Variants in DCC observed in about 807,000 individuals in gnomAD.
DCC encodes the protein DCC netrin 1 receptor.
DCC carries 58 observed loss-of-function variants against 172.5 expected under a neutral mutation model. The observed-to-expected ratio is 0.34, with a 90% confidence interval of 0.27 to 0.42. The LOEUF is 0.42. Among genes scored for constraint, DCC ranks in the 10% least tolerant of loss-of-function variants. DCC has a pLI of 1.00. For missense variants in DCC, 1,740 were observed against 1,791.0 expected (o/e 0.97, Z 0.51); for synonymous variants, 709 against 644.5 (o/e 1.10, Z -1.52).
chr18:53,222,383 CTTTTTTTT>C (rs67373546), intron 12 of DCC, among the ~76,000 whole-genome samples: 12 of 104,188 alleles, frequency 1.2e-4, no homozygotes, highest in East Asian at 8.6e-4. Flanking sequence ...TTTCTTTTTT[CTTTTTTTT>C]TTTTTTTTTT....
chr18:52,993,602 G>A (rs1384962667), intron 5 of DCC, among the ~76,000 whole-genome samples: 1 of 152,100 alleles, frequency 6.6e-6, no homozygotes, highest in Non-Finnish European at 1.5e-5. Context: ...GTAGAGTTAT[G>A]ATCTTGCATG....
At chr18:52,776,515 A>G (rs1470999167) in intron 2 of DCC, among the ~76,000 whole-genome samples, 1 of 152,136 alleles carries the variant, frequency 6.6e-6, no homozygotes, top group Non-Finnish European at 1.5e-5. Context: ...TAGCAAGAAA[A>G]CCAGAAAAGA....
intron 1 of DCC, among the ~76,000 whole-genome samples, chr18:52,629,869 G>A (rs2034642107): frequency 7.0e-6 from 1 of 142,284 alleles, no homozygotes; most frequent in African/African-American, 2.6e-5. Flanking sequence ...AGAATGGCGT[G>A]AAACCGGGAG....
At chr18:52,528,662 G>A (rs1419778909) in intron 1 of DCC, among the ~76,000 whole-genome samples, 1 of 151,878 alleles carries the variant, frequency 6.6e-6, no homozygotes, top group Non-Finnish European at 1.5e-5. Context: ...CATCATCAGG[G>A]AGATAGCACA....
intron 7 of DCC, among the ~76,000 whole-genome samples, chr18:53,148,771 A>C (rs1041779094): frequency 2.0e-5 from 3 of 152,104 alleles, no homozygotes; most frequent in Non-Finnish European, 2.9e-5. Context: ...AGGATGTACA[A>C]GTGACGACGT....
chr18:53,202,300 G>A lies in DCC; in HGVS notation c.1574-2916G>A, dbSNP rs185731290. Among the ~76,000 whole-genome samples, 642 of 152,192 alleles carry A rather than the reference G, an allele frequency of 4.2e-3. 9 individuals carry two copies. Among genetic ancestry groups the A allele is most frequent in the Non-Finnish European group, 7.2e-3 (491 of 67,996 alleles). ...GCATGTCACAGGGACAGAGAAAAAC[G>A]ATTAAAAAGAGCTTCCCTAGTTGAA... On this transcript the variant is annotated intron_variant, in intron 9 of 28. Transcript: ENST00000442544.
chr18:53,179,464 T>A (rs895957011), intron 9 of DCC, among the ~76,000 whole-genome samples: 1 of 152,200 alleles, frequency 6.6e-6, no homozygotes, highest in Non-Finnish European at 1.5e-5. Context: ...TTTTTGAGTT[T>A]GTAAAGAGTG....
At chr18:53,488,282 T>C (rs2045924271) in intron 26 of DCC, among the ~76,000 whole-genome samples, 1 of 151,870 alleles carries the variant, frequency 6.6e-6, no homozygotes, top group Non-Finnish European at 1.5e-5. Context: ...GGCTGAGGCA[T>C]GAGAATCTTT....
intron 5 of DCC, among the ~76,000 whole-genome samples, chr18:52,965,601 G>T (rs2040916507): frequency 6.6e-6 from 1 of 151,986 alleles, no homozygotes; most frequent in African/African-American, 2.4e-5. Flanking sequence ...TTTCTGCATT[G>T]CTTGTTCTTC....
At chr18:52,900,872 G>A (rs954410584) in intron 2 of DCC, among the ~76,000 whole-genome samples, 1 of 152,282 alleles carries the variant, frequency 6.6e-6, no homozygotes, top group South Asian at 2.1e-4. Flanking sequence ...GGCTAACAAT[G>A]TAAGCCCTGC....
At chr18:52,973,511 A>G (rs2041064092) in intron 5 of DCC, among the ~76,000 whole-genome samples, 1 of 152,104 alleles carries the variant, frequency 6.6e-6, no homozygotes. Context: ...AAAATGTTAC[A>G]TCCTTGCATC....
chr18:52,800,344 T>C (rs966389971), intron 2 of DCC, among the ~76,000 whole-genome samples: 2 of 152,252 alleles, frequency 1.3e-5, no homozygotes, highest in African/African-American at 4.8e-5. Context: ...GTGAAGTTTT[T>C]ACAGACTGAT....
chr18:52,655,349 CGAGCCATA>C (rs1306352355), intron 1 of DCC, among the ~76,000 whole-genome samples: 1 of 152,124 alleles, frequency 6.6e-6, no homozygotes, highest in Non-Finnish European at 1.5e-5. Context: ...AATTAATAAT[CGAGCCATA>C]GAGTTTCTTA....
At chr18:52,406,549 A>G (rs1424321412) in intron 1 of DCC, among the ~76,000 whole-genome samples, 1 of 152,126 alleles carries the variant, frequency 6.6e-6, no homozygotes, top group Non-Finnish European at 1.5e-5. Flanking sequence ...GACTCTGGAT[A>G]ATGGGCTCCA....
At chr18:53,123,208 G>A (rs1266160570) in intron 7 of DCC, among the ~76,000 whole-genome samples, 1 of 152,144 alleles carries the variant, frequency 6.6e-6, no homozygotes, top group East Asian at 1.9e-4. Context: ...TGTAACAGAG[G>A]ATCTTATCCA....
intron 22 of DCC, among the ~76,000 whole-genome samples, chr18:53,443,952 A>G (rs748200772): frequency 8.5e-5 from 13 of 152,364 alleles, no homozygotes; most frequent in Non-Finnish European, 1.3e-4. Flanking sequence ...CTCATGATAA[A>G]ATTTTAACAG....
chr18:53,047,234 G>GGA (rs1568267718), intron 5 of DCC, among the ~76,000 whole-genome samples: 4 of 22,154 alleles, frequency 1.8e-4, no homozygotes, highest in African/African-American at 7.0e-4. Flanking sequence ...CCTGCAGGTA[G>GGA]GATATATATA....
At chr18:52,371,147 T>G (rs1985104629) in intron 1 of DCC, among the ~76,000 whole-genome samples, 1 of 112,414 alleles carries the variant, frequency 8.9e-6, no homozygotes, top group Non-Finnish European at 1.7e-5. Context: ...GACCATCTTT[T>G]GGCTGATTTA....
chr18:53,471,228 AAGC>A (rs1258871761), intron 25 of DCC, among the ~76,000 whole-genome samples: 5 of 152,206 alleles, frequency 3.3e-5, no homozygotes, highest in African/African-American at 1.2e-4. Context: ...GTTTTGATAC[AAGC>A]ATGCAATATG....
Sources: gnomAD v4.1 joint callset for allele counts (sites outside exome capture counted in the v4.1 genomes callset) on GRCh38, gnomAD v4.1.1 for gene constraint, MANE v1.5 for transcripts, NCBI Gene and HGNC (gene_info 2026-07-23, HGNC 2026-07-21) for gene names.